Variants in CCDC12 observed in about 807,000 individuals in gnomAD.
CCDC12 encodes coiled-coil domain containing 12, also known as coiled-coil domain-containing protein 12.
In CCDC12, 28 loss-of-function variants were observed where a neutral mutation model predicts 25.7. That is an observed-to-expected ratio of 1.09 (90% confidence interval 0.81 to 1.50). The LOEUF is 1.50. Among genes scored for constraint, CCDC12 ranks in the 40% most tolerant of loss-of-function variants. CCDC12 has a pLI of 0.00. For missense variants in CCDC12, 198 were observed against 210.0 expected (o/e 0.94, Z 0.35); for synonymous variants, 75 against 87.7 (o/e 0.86, Z 0.81).
intron 2 of CCDC12, among the ~76,000 whole-genome samples, chr3:46,938,827 G>A (rs2033571771): frequency 6.6e-6 from 1 of 151,692 alleles, no homozygotes; most frequent in African/African-American, 2.4e-5. Context: ...ACTCCAGCCT[G>A]GGTGACAGAG....
intron 1 of CCDC12, among the ~76,000 whole-genome samples, chr3:46,948,362 A>G (rs1695837123): frequency 6.6e-6 from 1 of 152,248 alleles, no homozygotes; most frequent in African/African-American, 2.4e-5. Context: ...CTGGGAGAAC[A>G]GCGAGGCTAG....
At chr3:46,925,615 G>C in intron 2 of CCDC12, 80 bp from the exon 3 acceptor site, 1 of 1,186,842 alleles carries the variant, frequency 8.4e-7, no homozygotes, top group Non-Finnish European at 1.2e-6. Flanking sequence ...AATTTGCATA[G>C]CCCGTGAATT....
upstream of CCDC12, among the ~76,000 whole-genome samples, chr3:46,980,798 AG>A (rs947901346): frequency 6.6e-6 from 1 of 152,082 alleles, no homozygotes; most frequent in Non-Finnish European, 1.5e-5. Context: ...CACAGCAGGG[AG>A]GGATCCCAGG....
intron 5 of CCDC12, 58 bp from the exon 6 acceptor site, chr3:46,922,370 G>A: frequency 6.3e-7 from 1 of 1,584,498 alleles, no homozygotes; most frequent in African/African-American, 1.3e-5. Context: ...TGTGGCATTG[G>A]GTCCCCTCCC....
intron 2 of CCDC12, among the ~76,000 whole-genome samples, chr3:46,930,843 G>A (rs2033177920): frequency 6.6e-6 from 1 of 152,050 alleles, no homozygotes; most frequent in Non-Finnish European, 1.5e-5. Context: ...GGCCCCCTTT[G>A]CCCCACTTGC....
upstream of CCDC12, chr3:46,979,848 A>G: frequency 2.2e-6 from 1 of 450,766 alleles, no homozygotes; most frequent in Non-Finnish European, 3.9e-6. Flanking sequence ...GCAGGGCCGG[A>G]GCCGGGCCGG....
chr3:46,969,495 AGTACT>A (rs2107198236), intron 1 of CCDC12, among the ~76,000 whole-genome samples: 1 of 152,280 alleles, frequency 6.6e-6, no homozygotes, highest in African/African-American at 2.4e-5. Context: ...GGCCTCCCAA[AGTACT>A]GGGATTACAG....
intron 5 of CCDC12, chr3:46,922,524 G>T: frequency 1.6e-6 from 1 of 607,428 alleles, no homozygotes; most frequent in Non-Finnish European, 2.9e-6. Flanking sequence ...AGGGGGACTA[G>T]CATCACAAAC....
intron 2 of CCDC12, among the ~76,000 whole-genome samples, chr3:46,938,545 G>GTTTTTT (rs1274230265): frequency 3.0e-5 from 4 of 133,646 alleles, no homozygotes; most frequent in African/African-American, 5.7e-5. Context: ...TTTTTTTTTG[G>GTTTTTT]TACAACAAAA....
upstream of CCDC12, among the ~76,000 whole-genome samples, chr3:46,980,981 C>T (rs1405212542): frequency 1.3e-5 from 2 of 152,224 alleles, no homozygotes; most frequent in Non-Finnish European, 2.9e-5. Flanking sequence ...GGCTGGCCCA[C>T]TGTCTTCCAC....
chr3:46,950,496 T>TG (rs745351220), intron 1 of CCDC12, among the ~76,000 whole-genome samples: 2 of 149,272 alleles, frequency 1.3e-5, no homozygotes, highest in East Asian at 3.9e-4. Context: ...TTTTTTTTTT[T>TG]GGGGTAGAGA....
intron 1 of CCDC12, among the ~76,000 whole-genome samples, chr3:46,968,206 C>T (rs377719184): frequency 5.3e-5 from 8 of 152,164 alleles, no homozygotes; most frequent in Admixed American, 4.6e-4. Context: ...TTAGGAAGAA[C>T]GGGCACTCAC....
intron 1 of CCDC12, chr3:46,966,217 AAAG>A (rs2034635409): frequency 6.6e-6 from 1 of 152,548 alleles, no homozygotes; most frequent in African/African-American, 2.4e-5. Context: ...AAAAAGAAAG[AAAG>A]AAAGAAAGCG....
Position 46,976,501 on chromosome 3 carries a change from T to TCGCGCATGCGTTAGCGCC in CCDC12, c.96+118_96+135dup, listed in dbSNP as rs1404036110. The TCGCGCATGCGTTAGCGCC allele has an allele frequency of 4.1e-5, 59 of 1,438,480 alleles. No homozygotes were observed. The Admixed American group carries it at 5.5e-4, about 14-fold the overall frequency. The allele number at this position is 1,438,480 out of a possible 1,614,324, so 89.1% of individuals were successfully genotyped here. ...GACATCGTGGGAGGGCGCCGTCTTC[T>TCGCGCATGCGTTAGCGCC]CGCGCATGCGTTAGCGCCCGCGCAT... On this transcript the variant is annotated intron_variant, in intron 1 of 6. Transcript: ENST00000683445.
chr3:46,952,765 ATAATC>A (rs2034167534), intron 1 of CCDC12, among the ~76,000 whole-genome samples: 1 of 152,244 alleles, frequency 6.6e-6, no homozygotes, highest in African/African-American at 2.4e-5. Context: ...ATTATCAAAA[ATAATC>A]AATAATTAAT....
chr3:46,960,223 G>A (rs559164586), intron 1 of CCDC12, among the ~76,000 whole-genome samples: 1 of 152,028 alleles, frequency 6.6e-6, no homozygotes, highest in Non-Finnish European at 1.5e-5. Flanking sequence ...TCCCACCCAG[G>A]CTCTGTGCAC....
In CCDC12 at chr3:46,921,750, T is replaced by C. The variant is rs2032688382; in HGVS notation, c.*307A>G. On this transcript the variant is annotated 3_prime_UTR_variant, in exon 7 of 7. Transcript: ENST00000683445. ...ATTTCTGCCACACACAGGGGTTTAC[T>C]TGTTTCTATTTCCAGATTTTTTTTT... 3 of 379,480 alleles carry C rather than the reference T, an allele frequency of 7.9e-6. No homozygotes were observed. Among genetic ancestry groups the C allele is most frequent in the Admixed American group, 4.4e-5 (1 of 22,808 alleles). The allele number at this position is 379,480 out of a possible 1,614,324, so 23.5% of individuals were successfully genotyped here.
intron 2 of CCDC12, among the ~76,000 whole-genome samples, chr3:46,938,076 T>G (rs1412409831): frequency 6.6e-6 from 1 of 152,194 alleles, no homozygotes; most frequent in African/African-American, 2.4e-5. Flanking sequence ...GAGGCAAACC[T>G]GTTCCACCAT....
chr3:46,963,063 G>C (rs2107183234), intron 1 of CCDC12, among the ~76,000 whole-genome samples: 1 of 152,282 alleles, frequency 6.6e-6, no homozygotes, highest in South Asian at 2.1e-4. Context: ...GAATGAAAGA[G>C]GCCAGATACA....
Sources: gnomAD v4.1 joint callset for allele counts (sites outside exome capture counted in the v4.1 genomes callset) on GRCh38, gnomAD v4.1.1 for gene constraint, MANE v1.5 for transcripts, NCBI Gene and HGNC (gene_info 2026-07-23, HGNC 2026-07-21) for gene names.